Variants in HMGB4 observed in about 807,000 individuals in gnomAD.
HMGB4 encodes high mobility group box 4.
For synonymous variants in HMGB4, 82 were observed against 84.9 expected (o/e 0.97, Z 0.19); for missense variants, 217 against 220.4 (o/e 0.98, Z 0.10).
upstream of HMGB4, chr1:33,862,341 C>CTGTG (rs1491541831): frequency 6.6e-5 from 4 of 60,644 alleles, no homozygotes; most frequent in East Asian, 8.4e-4. Flanking sequence ...AGATAAGCTA[C>CTGTG]TCTGTGTGTG....
At chr1:33,862,341 CTCTGTGTGTGTGTGTG>C (rs1286958117), upstream of HMGB4, 1 of 60,644 alleles carries the variant, frequency 1.6e-5, no homozygotes, top group Non-Finnish European at 4.0e-5. Context: ...AGATAAGCTA[CTCTGTGTGTGTGTGTG>C]TGTGTGTGTG....
rs1639789072 is a variant in HMGB4, at chr1:33,864,302, CT to C, written c.114del (p.Phe38LeufsTer38). The C allele has an allele frequency of 6.2e-7, 1 of 1,613,736 alleles. No individual in the cohort carries two copies. The highest frequency in any genetic ancestry group is 1.3e-5 in the African/African-American group (1 of 74,910). Reference protein sequence around the residue: ...KEQQPNTYVGFKEFSRKCSEK... With the variant: ...KEQQPNTYVGXKEFSRKCSEK... ...AGCAGCAGCCAAATACCTATGTTGG[CT>C]TTAAAGAGTTCTCTAGAAAGTGTTC... is the stretch of plus-strand genomic sequence containing the variant. On this transcript the variant is annotated frameshift_variant, in exon 1 of 1. Transcript: ENST00000681531. LOFTEE classifies it low-confidence loss of function (END_TRUNC).
chr1:33,862,569 A>T (rs1639618620), upstream of HMGB4: 1 of 152,166 alleles, frequency 6.6e-6, no homozygotes, highest in South Asian at 2.1e-4. Flanking sequence ...CCAGGGGGAA[A>T]AAGGCTACCT....
upstream of HMGB4, chr1:33,864,068 A>G: frequency 1.1e-6 from 1 of 882,230 alleles, no homozygotes; most frequent in Non-Finnish European, 1.8e-6. Context: ...AGCCCTGACT[A>G]CAGCTCTTGC....
upstream of HMGB4, among the ~76,000 whole-genome samples, chr1:33,861,701 AG>A (rs35416654): frequency 5.0e-3 from 769 of 152,310 alleles, 4 homozygotes; most frequent in Non-Finnish European, 7.3e-3. Flanking sequence ...ATGATTGGTG[AG>A]GGCAGAGTGT....
rs570235293 is a variant in HMGB4, at chr1:33,864,521, G to A, written c.330G>A (p.Gln110=). 4 of 1,614,024 alleles carry A rather than the reference G, an allele frequency of 2.5e-6. No homozygotes were observed. The South Asian group carries it at 4.4e-5, about 18-fold the overall frequency. Residue 110 remains glutamine (Q), a synonymous_variant, in exon 1 of 1, where the codon CAG becomes CAA. Coordinates refer to ENST00000681531, the MANE Select transcript of HMGB4 (RefSeq NM_001379301.1). ...FLLFCQDHYA[Q]LKRENPNWSV... is the part of the protein sequence containing the mutation. ...TCTTCTGCCAAGACCACTATGCTCA[G>A]CTGAAGAGGGAGAACCCGAACTGGT...
upstream of HMGB4, chr1:33,863,995 T>A (rs79967873): frequency 7.0e-6 from 4 of 573,188 alleles, no homozygotes; most frequent in East Asian, 1.2e-4. Context: ...ATTGGCTGGC[T>A]TGTGGATGAT....
At chr1:33,861,503 G>A (rs567449198), upstream of HMGB4, among the ~76,000 whole-genome samples, 1 of 152,264 alleles carries the variant, frequency 6.6e-6, no homozygotes, top group South Asian at 2.1e-4. Flanking sequence ...CCTCTTCCCG[G>A]GCATGTGGTC....
chr1:33,863,848 A>T (rs376191383), upstream of HMGB4: 93 of 200,538 alleles, frequency 4.6e-4, 1 homozygote, highest in Middle Eastern at 4.1e-3. Flanking sequence ...AGCCAAGGAG[A>T]ATTATTTCTG....
Position 33,864,744 on chromosome 1 carries a change from C to T in HMGB4, c.553C>T (p.Gln185Ter). The T allele has an allele frequency of 6.2e-7, 1 of 1,606,918 alleles. No individual in the cohort carries two copies. The highest frequency in any genetic ancestry group is 8.5e-7 in the Non-Finnish European group (1 of 1,177,202). ...RNRCRGKRVR[Q>*]S is the part of the protein sequence containing the mutation. ...CCGGTGCAGAGGGAAAAGAGTCAGG[C>T]AGAGCTGATGGATCCAGTTTGAAAA... The change falls in exon 1 of 1, where the codon CAG (glutamine) becomes TAG (stop). Residue 185 changes from glutamine (Q) to a stop codon, truncating the protein, a stop_gained. Coordinates refer to ENST00000681531, the MANE Select transcript of HMGB4 (RefSeq NM_001379301.1). LOFTEE classifies it high-confidence loss of function.
At chr1:33,864,069 C>A, upstream of HMGB4, 2 of 891,940 alleles carry the variant, frequency 2.2e-6, no homozygotes, top group Non-Finnish European at 3.5e-6. Flanking sequence ...GCCCTGACTA[C>A]AGCTCTTGCA....
At position 33,864,229 on chromosome 1, in the gene HMGB4, T is replaced by A. The variant is rs139455040; in HGVS notation, c.38T>A (p.Val13Asp). The part of the protein sequence containing the change: ...KEIQLKPKAN[V>D]SSYVHFLLNY... Reference sequence around the variant, plus strand: ...ATCCAGCTAAAGCCTAAGGCAAATGTCTCTTCTTACGTTCACTTTTTGCTG... The same window carrying A: ...ATCCAGCTAAAGCCTAAGGCAAATGACTCTTCTTACGTTCACTTTTTGCTG... The change falls in exon 1 of 1, where the codon GTC (valine) becomes GAC (aspartate). Residue 13 changes from valine to aspartate, a missense_variant. By Grantham distance (152) the Val-to-Asp change is radical. Coordinates refer to ENST00000681531, the MANE Select transcript of HMGB4 (RefSeq NM_001379301.1). The A allele has an allele frequency of 6.6e-5, 106 of 1,610,344 alleles. No individual in the cohort carries two copies. Among genetic ancestry groups the A allele is most frequent in the Non-Finnish European group, 8.9e-5 (105 of 1,179,126 alleles).
upstream of HMGB4, chr1:33,862,452 T>C (rs1008140387): frequency 6.6e-6 from 1 of 150,462 alleles, no homozygotes; most frequent in Non-Finnish European, 1.5e-5. Context: ...TTCTTCCTCA[T>C]GTCCCATCTT....
At chr1:33,863,237 T>A (rs1375837344), upstream of HMGB4, 4 of 152,214 alleles carry the variant, frequency 2.6e-5, no homozygotes, top group Non-Finnish European at 5.9e-5. Flanking sequence ...CACTTTTTCA[T>A]CTTTTCTCTT....
chr1:33,861,917 C>T (rs1221032829), upstream of HMGB4, among the ~76,000 whole-genome samples: 1 of 142,258 alleles, frequency 7.0e-6, no homozygotes, highest in Non-Finnish European at 1.5e-5. Context: ...GAATAAATGC[C>T]TTGACTTAAC....
At chr1:33,862,456 C>T (rs1639612190), upstream of HMGB4, 1 of 149,644 alleles carries the variant, frequency 6.7e-6, no homozygotes, top group East Asian at 2.0e-4. Context: ...TCCTCATGTC[C>T]CATCTTTTGA....
upstream of HMGB4, chr1:33,862,472 G>C (rs1639613596): frequency 6.6e-6 from 1 of 151,462 alleles, no homozygotes; most frequent in East Asian, 2.0e-4. Context: ...TTTGATCTCA[G>C]AAAGGAGCTG....
Position 33,864,544 on chromosome 1 carries a change from G to C in HMGB4, c.353G>C (p.Trp118Ser), listed in dbSNP as rs1374719674. 5.0e-6 allele frequency: 8 copies of C among 1,613,982 alleles called. 1 individual carries two copies. The Admixed American group carries it at 1.2e-4, about 24-fold the overall frequency. Residue 118 changes from tryptophan (W) to serine (S), a missense_variant, in exon 1 of 1, where the codon TGG becomes TCG. Coordinates refer to ENST00000681531, the MANE Select transcript of HMGB4 (RefSeq NM_001379301.1). ...CAGCTGAAGAGGGAGAACCCGAACT[G>C]GTCGGTGGTGCAGGTGGCCAAGGCC... is the stretch of plus-strand genomic sequence containing the variant. ...YAQLKRENPN[W>S]SVVQVAKATG...
chr1:33,860,708 T>A (rs1345535706), upstream of HMGB4: 1 of 152,250 alleles, frequency 6.6e-6, no homozygotes, highest in Non-Finnish European at 1.5e-5. Flanking sequence ...AGCTAGTAAA[T>A]GGCAAAGCTA....
Sources: allele counts gnomAD v4.1 joint callset (sites outside exome capture counted in the v4.1 genomes callset), GRCh38; gene constraint gnomAD v4.1.1; transcripts MANE v1.5; gene names NCBI Gene and HGNC (gene_info 2026-07-23, HGNC 2026-07-21).